ANO4: variants seen among roughly 807,000 people sequenced by gnomAD.
ANO4 encodes the protein anoctamin-4.
In ANO4, 69 loss-of-function variants were observed where a neutral mutation model predicts 141.9. The observed-to-expected ratio is 0.49, with a 90% CI of 0.40 to 0.59. The LOEUF (loss-of-function observed/expected upper bound fraction) is 0.59, where lower values mean the gene tolerates loss of function less well. Ranked by LOEUF, ANO4 falls within the 20% of genes least tolerant of loss-of-function variation. The pLI, the probability that ANO4 is intolerant of heterozygous loss-of-function variation, is 0.00. For synonymous variants in ANO4, 350 were observed against 394.3 expected, an observed-to-expected ratio of 0.89 and a Z score of 1.33; for missense variants, 894 against 1,162.2, an observed-to-expected ratio of 0.77 and a Z score of 3.36.
intron 1 of ANO4, among the ~76,000 whole-genome samples, chr12:100,817,693 A>G (rs944035501): frequency 1.1e-4 from 17 of 151,934 alleles, no homozygotes; most frequent in Non-Finnish European, 1.5e-5. Context: ...TGCCAGGTAT[A>G]CAGTTAGAAG....
At chr12:100,834,408 A>G (rs2036793801) in intron 1 of ANO4, among the ~76,000 whole-genome samples, 1 of 152,130 alleles carries the variant, frequency 6.6e-6, no homozygotes, top group Admixed American at 6.5e-5. Flanking sequence ...AATTGCAGTG[A>G]CCAGACCACC....
intron 3 of ANO4, among the ~76,000 whole-genome samples, chr12:100,928,696 G>A (rs537102073): frequency 6.6e-6 from 1 of 152,262 alleles, no homozygotes; most frequent in African/African-American, 2.4e-5. Context: ...GATTGAATTA[G>A]GCACATAGTT....
At chr12:100,980,459 A>C (rs2044409493) in intron 7 of ANO4, among the ~76,000 whole-genome samples, 1 of 152,186 alleles carries the variant, frequency 6.6e-6, no homozygotes, top group African/African-American at 2.4e-5. Context: ...GGCCACATAT[A>C]CAACTTGCCA....
At chr12:100,892,523 T>G (rs1418945799) in intron 1 of ANO4, among the ~76,000 whole-genome samples, 1 of 152,222 alleles carries the variant, frequency 6.6e-6, no homozygotes, top group South Asian at 2.1e-4. Context: ...TATTTGAGTT[T>G]AGTTACCTGT....
At chr12:100,775,999 A>G (rs1470747395) in intron 3 of ANO4, among the ~76,000 whole-genome samples, 1 of 152,186 alleles carries the variant, frequency 6.6e-6, no homozygotes. Flanking sequence ...AAAAAAGCTA[A>G]CAGGCTGAAT....
At chr12:100,871,887 G>A (rs1451039411) in intron 1 of ANO4, among the ~76,000 whole-genome samples, 1 of 152,112 alleles carries the variant, frequency 6.6e-6, no homozygotes, top group Non-Finnish European at 1.5e-5. Flanking sequence ...TCACATTGAG[G>A]ATTAAACTTT....
chr12:101,000,306 C>T (rs1274358962), intron 8 of ANO4, among the ~76,000 whole-genome samples: 1 of 152,208 alleles, frequency 6.6e-6, no homozygotes, highest in African/African-American at 2.4e-5. Context: ...GTTCCAGATA[C>T]TTTGCCATTT....
intron 14 of ANO4, chr12:101,068,638 G>A: frequency 7.4e-7 from 1 of 1,356,138 alleles, no homozygotes; most frequent in Non-Finnish European, 1.1e-6. Context: ...GGAGGTAGAT[G>A]ACTTCTTTGA....
At chr12:100,732,638 A>G (rs1287057417) in intron 1 of ANO4, among the ~76,000 whole-genome samples, 1 of 152,218 alleles carries the variant, frequency 6.6e-6, no homozygotes, top group East Asian at 1.9e-4. Context: ...ACTGCCATCT[A>G]GATGTTTTTC....
intron 18 of ANO4, among the ~76,000 whole-genome samples, chr12:101,094,582 A>G (rs1232174548): frequency 6.6e-6 from 1 of 152,220 alleles, no homozygotes; most frequent in Non-Finnish European, 1.5e-5. Context: ...TGTATAAAGT[A>G]TCCAGTATAA....
At chr12:100,961,786 T>C (rs1243059010) in intron 5 of ANO4, among the ~76,000 whole-genome samples, 1 of 152,208 alleles carries the variant, frequency 6.6e-6, no homozygotes, top group Non-Finnish European at 1.5e-5. Flanking sequence ...ACTAGTTATA[T>C]TTTAAGTGTT....
chr12:100,733,669 T>C, intron 1 of ANO4: 1 of 609,896 alleles, frequency 1.6e-6, no homozygotes, highest in Non-Finnish European at 2.9e-6. Context: ...ACCCGTGTCA[T>C]AGACAAGGAG....
At chr12:101,075,929 C>T (rs979249488) in intron 14 of ANO4, among the ~76,000 whole-genome samples, 2 of 151,942 alleles carry the variant, frequency 1.3e-5, no homozygotes, top group African/African-American at 4.8e-5. Flanking sequence ...AAAGAGACAA[C>T]CTGTCTTGGT....
chr12:101,031,946 T>C (rs2136558718), intron 9 of ANO4, among the ~76,000 whole-genome samples: 1 of 152,158 alleles, frequency 6.6e-6, no homozygotes. Context: ...CACAAACAAA[T>C]GGAAAAACAT....
At chr12:101,003,140 G>A (rs767407231) in intron 8 of ANO4, among the ~76,000 whole-genome samples, 11 of 152,218 alleles carry the variant, frequency 7.2e-5, no homozygotes, top group Non-Finnish European at 1.5e-4. Flanking sequence ...TAGAGACTGT[G>A]TCAGCCAGGT....
At chr12:100,802,028 A>G (rs574461253) in intron 1 of ANO4, among the ~76,000 whole-genome samples, 2 of 152,252 alleles carry the variant, frequency 1.3e-5, no homozygotes, top group East Asian at 1.9e-4. Flanking sequence ...CCTTGAGGGT[A>G]CACTTTGCCA....
intron 5 of ANO4, among the ~76,000 whole-genome samples, chr12:100,961,414 T>C (rs2043418249): frequency 6.6e-6 from 1 of 152,228 alleles, no homozygotes; most frequent in African/African-American, 2.4e-5. Flanking sequence ...AAGTGTTATG[T>C]ATCCTTATGA....
At chr12:100,793,582 C>A (rs182001715), upstream of ANO4, among the ~76,000 whole-genome samples, 3,588 of 151,312 alleles carry the variant, frequency 0.024, 56 homozygotes, top group Non-Finnish European at 0.035. Flanking sequence ...AAAAAAAAAA[C>A]AGAAAACAAA....
In ANO4 at chr12:100,874,389, G is replaced by A. The variant is rs543096185; in HGVS notation, c.-140-27257G>A. Among the ~76,000 whole-genome samples, 9 of 152,366 alleles carry A rather than the reference G, an allele frequency of 5.9e-5. No homozygotes were observed. The South Asian group carries it at 1.7e-3, about 28-fold the overall frequency. The stretch of plus-strand genomic sequence containing the variant: ...ATACCAATCCTTGGTAGCAGCCATG[G>A]GAGCTGATCCCTGTATAGCCACAGG... On this transcript the variant is annotated intron_variant, in intron 1 of 27. Transcript: ENST00000392977.
Sources: allele counts gnomAD v4.1 joint callset (sites outside exome capture counted in the v4.1 genomes callset), GRCh38; gene constraint gnomAD v4.1.1; transcripts MANE v1.5; gene names NCBI Gene and HGNC (gene_info 2026-07-23, HGNC 2026-07-21).